The following NKAIN2 variants were observed in gnomAD, a reference collection of about 807,000 sequenced individuals.
NKAIN2 encodes the protein sodium/potassium transporting ATPase interacting 2.
In NKAIN2, 14 loss-of-function variants were observed where a neutral mutation model predicts 32.6. The ratio of observed to expected loss-of-function variants is 0.43; its 90% confidence interval spans 0.28 to 0.67. NKAIN2 has a LOEUF of 0.67. NKAIN2 is among the 30% of genes least tolerant of loss of function. The pLI is 0.17. For missense variants in NKAIN2, 198 were observed against 258.3 expected, an observed-to-expected ratio of 0.77 and a Z score of 1.60; for synonymous variants, 80 against 87.2, an observed-to-expected ratio of 0.92 and a Z score of 0.46.
chr6:123,840,701 C>T (rs1774833545), intron 1 of NKAIN2, among the ~76,000 whole-genome samples: 1 of 151,948 alleles, frequency 6.6e-6, no homozygotes, highest in Non-Finnish European at 1.5e-5. Flanking sequence ...ATGCATTATT[C>T]AGTTTTTATT....
intron 3 of NKAIN2, among the ~76,000 whole-genome samples, chr6:124,572,838 T>TTTAA (rs1781179488): frequency 7.0e-6 from 1 of 142,376 alleles, no homozygotes; most frequent in South Asian, 2.1e-4. Flanking sequence ...TATTTGTTAT[T>TTTAA]TTATTTATTT....
chr6:124,646,501 A>G (rs993035706), intron 3 of NKAIN2, among the ~76,000 whole-genome samples: 2 of 152,176 alleles, frequency 1.3e-5, no homozygotes, highest in South Asian at 2.1e-4. Flanking sequence ...GATATAATGC[A>G]ATAATATTGT....
At chr6:124,767,558 T>A (rs953311673) in intron 4 of NKAIN2, among the ~76,000 whole-genome samples, 1 of 152,226 alleles carries the variant, frequency 6.6e-6, no homozygotes, top group African/African-American at 2.4e-5. Context: ...TTAAAATATC[T>A]ACTCAGCTCT....
chr6:123,938,396 TTATATATATATATATATATATA>T lies in NKAIN2; in HGVS notation c.54+134177_54+134198del, dbSNP rs71021471. Among the ~76,000 whole-genome samples, 108 of 54,134 alleles carry T rather than the reference TTATATATATATATATATATATA, an allele frequency of 2.0e-3. 1 individual carries two copies. Among genetic ancestry groups the T allele is most frequent in the East Asian group, 2.9e-3 (4 of 1,356 alleles). The allele number at this position is 54,134 out of a possible 152,430, so 35.5% of individuals were successfully genotyped here. Reference sequence around the variant, plus strand: ...TGAAACCAGAACTCATTTGCAAGGGTTATATATATATATATATATATATATATATATATATATATATATATAT... The same window carrying T: ...TGAAACCAGAACTCATTTGCAAGGGTTATATATATATATATATATATATAT... On this transcript the variant is annotated intron_variant, in intron 1 of 6. Transcript: ENST00000368417.
chr6:124,413,639 G>A lies in NKAIN2; in HGVS notation c.273+58292G>A, dbSNP rs902564627. ...ACTAAAGCTATCAGTAAAGTTTGGG[G>A]GAACTGACATTCTAATAATATTAAG... On this transcript the variant is annotated intron_variant, in intron 3 of 6. Transcript: ENST00000368417. Among the ~76,000 whole-genome samples the A allele has an allele frequency of 2.4e-4, 37 of 152,078 alleles. 1 individual carries two copies. The highest frequency in any genetic ancestry group is 4.4e-5 in the Non-Finnish European group (3 of 68,014).
At chr6:124,503,330 C>T (rs1778364111) in intron 3 of NKAIN2, among the ~76,000 whole-genome samples, 1 of 152,130 alleles carries the variant, frequency 6.6e-6, no homozygotes, top group Non-Finnish European at 1.5e-5. Context: ...TTGGAAAAAG[C>T]TCTTCCAGGT....
chr6:124,290,697 T>C (rs1470637505), intron 2 of NKAIN2, among the ~76,000 whole-genome samples: 1 of 151,940 alleles, frequency 6.6e-6, no homozygotes, highest in African/African-American at 2.4e-5. Context: ...ATTGCTTTTT[T>C]TTTTTTTGTA....
intron 3 of NKAIN2, among the ~76,000 whole-genome samples, chr6:124,398,006 C>T (rs1421353316): frequency 1.3e-5 from 2 of 151,900 alleles, no homozygotes; most frequent in African/African-American, 2.4e-5. Flanking sequence ...GTAATCCCAG[C>T]ACTTTGGGAG....
intron 3 of NKAIN2, among the ~76,000 whole-genome samples, chr6:124,426,928 T>C (rs1176982029): frequency 6.6e-6 from 1 of 152,178 alleles, no homozygotes; most frequent in Non-Finnish European, 1.5e-5. Flanking sequence ...CCTTCCACCA[T>C]GATTATGAGG....
intron 1 of NKAIN2, among the ~76,000 whole-genome samples, chr6:124,105,842 C>T (rs951981557): frequency 2.6e-5 from 4 of 152,148 alleles, no homozygotes; most frequent in Non-Finnish European, 4.4e-5. Context: ...ACTTCCTTTG[C>T]TATTACATAT....
chr6:124,770,092 G>A (rs939693111), intron 4 of NKAIN2, among the ~76,000 whole-genome samples: 1 of 152,140 alleles, frequency 6.6e-6, no homozygotes, highest in African/African-American at 2.4e-5. Context: ...TTCAATAGGG[G>A]TTAGAGAAAA....
chr6:124,472,261 C>T (rs1254112936), intron 3 of NKAIN2, among the ~76,000 whole-genome samples: 2 of 152,086 alleles, frequency 1.3e-5, no homozygotes, highest in African/African-American at 4.8e-5. Flanking sequence ...TGGTTTTATT[C>T]ATTTACAAAT....
intron 1 of NKAIN2, among the ~76,000 whole-genome samples, chr6:124,091,452 AC>A (rs1234140643): frequency 1.3e-5 from 2 of 152,130 alleles, no homozygotes; most frequent in East Asian, 3.9e-4. Context: ...TAATAGGACT[AC>A]CTTTGTTGCA....
chr6:124,812,346 C>T (rs1780938828), intron 5 of NKAIN2, among the ~76,000 whole-genome samples: 2 of 152,136 alleles, frequency 1.3e-5, no homozygotes, highest in Admixed American at 1.3e-4. Flanking sequence ...GCCTTATTTT[C>T]CTTTACAGCC....
chr6:123,824,700 G>A (rs545831578), intron 1 of NKAIN2, among the ~76,000 whole-genome samples: 47 of 150,702 alleles, frequency 3.1e-4, no homozygotes, highest in African/African-American at 1.1e-3. Context: ...AAACCTACAT[G>A]TTCTACACAT....
intron 1 of NKAIN2, among the ~76,000 whole-genome samples, chr6:124,253,145 G>T (rs1355194439): frequency 6.6e-6 from 1 of 152,064 alleles, no homozygotes; most frequent in Non-Finnish European, 1.5e-5. Flanking sequence ...GTCTATCCCT[G>T]TATTTATTTC....
chr6:123,805,898 C>T (rs1773195234), intron 1 of NKAIN2, among the ~76,000 whole-genome samples: 1 of 152,008 alleles, frequency 6.6e-6, no homozygotes, highest in Non-Finnish European at 1.5e-5. Flanking sequence ...GATTTAACTT[C>T]TAATCATGTA....
chr6:124,560,007 A>C (rs1389821455), intron 3 of NKAIN2, among the ~76,000 whole-genome samples: 1 of 152,090 alleles, frequency 6.6e-6, no homozygotes, highest in Non-Finnish European at 1.5e-5. Context: ...CCTTTAGGTC[A>C]AAATATGAGA....
At chr6:124,641,819 T>A (rs1458682852) in intron 3 of NKAIN2, among the ~76,000 whole-genome samples, 1 of 152,098 alleles carries the variant, frequency 6.6e-6, no homozygotes, top group African/African-American at 2.4e-5. Context: ...CCTCCCAAAG[T>A]GCTGGATTTA....
Sources: allele counts gnomAD v4.1 joint callset (sites outside exome capture counted in the v4.1 genomes callset), GRCh38; gene constraint gnomAD v4.1.1; transcripts MANE v1.5; gene names NCBI Gene and HGNC (gene_info 2026-07-23, HGNC 2026-07-21).